SLC6A15: variants seen among roughly 807,000 people sequenced by gnomAD.
The protein encoded by SLC6A15 is solute carrier family 6 member 15, also known as sodium-dependent neutral amino acid transporter B(0)AT2.
In SLC6A15, 33 loss-of-function variants were observed where a neutral mutation model predicts 68.5. The ratio of observed to expected loss-of-function variants is 0.48; its 90% CI spans 0.37 to 0.64. SLC6A15 has a LOEUF of 0.64. Ranked by LOEUF, SLC6A15 falls within the 30% of genes least tolerant of loss-of-function variation. SLC6A15 has a pLI of 0.00. For missense variants in SLC6A15, 747 were observed against 874.3 expected, an observed-to-expected ratio of 0.85 and a Z score of 1.84; for synonymous variants, 347 against 301.0, an observed-to-expected ratio of 1.15 and a Z score of -1.58.
Position 84,863,597 on chromosome 12 carries a change from TA to T in SLC6A15, c.1659del (p.Phe553LeufsTer5). The stretch of plus-strand genomic sequence containing the variant: ...CCCAGCATATCTTTTAGGTCTTCCA[TA>T]AACCTGAATAAAAAGAAAGTATTTA... The part of the protein sequence containing the change: ...AVCFVYGIDK[F>X]MEDLKDMLGF... On this transcript the variant is annotated frameshift_variant, in exon 11 of 12. Coordinates refer to ENST00000266682, the MANE Select transcript of SLC6A15 (RefSeq NM_182767.6). LOFTEE classifies it high-confidence loss of function. 6.6e-7 allele frequency: 1 copy of T among 1,523,138 alleles called. No homozygotes were observed. The highest frequency in any genetic ancestry group is 8.7e-7 in the Non-Finnish European group (1 of 1,143,280). The allele number at this position is 1,523,138 out of a possible 1,614,324, so 94.4% of individuals were successfully genotyped here.
At chr12:84,887,666 T>A (rs1339743325) in intron 2 of SLC6A15, among the ~76,000 whole-genome samples, 3 of 152,128 alleles carry the variant, frequency 2.0e-5, no homozygotes, top group Non-Finnish European at 4.4e-5. Context: ...CTGCATCAAA[T>A]CTTAGATTAT....
At chr12:84,869,903 C>T (rs1871215444) in intron 9 of SLC6A15, among the ~76,000 whole-genome samples, 1 of 151,890 alleles carries the variant, frequency 6.6e-6, no homozygotes, top group East Asian at 1.9e-4. Flanking sequence ...CTTTATAGCC[C>T]TTAAATGGGA....
At position 84,873,208 on chromosome 12, in the gene SLC6A15, AGTT is replaced by A. The variant is rs749964089; in HGVS notation, c.985_987del (p.Asn329del). The A allele has an allele frequency of 6.2e-7, 1 of 1,614,136 alleles. No homozygotes were observed. The highest frequency in any genetic ancestry group is 1.1e-5 in the South Asian group (1 of 91,090). ...GACACCAGGACAGCATCAAAGTGGC[AGTT>A]GTTGTCTCTCTTGTTGTAGCTTGAA... is the stretch of plus-strand genomic sequence containing the variant. On this transcript the variant is annotated inframe_deletion, in exon 7 of 12. Coordinates refer to ENST00000266682, the MANE Select transcript of SLC6A15 (RefSeq NM_182767.6).
intron 5 of SLC6A15, among the ~76,000 whole-genome samples, chr12:84,879,577 C>G (rs758693736): frequency 6.6e-6 from 1 of 151,804 alleles, no homozygotes; most frequent in Non-Finnish European, 1.5e-5. Flanking sequence ...CCACCCGCCT[C>G]GGCCTCCAAA....
intron 8 of SLC6A15, 80 bp downstream of exon 8, chr12:84,872,522 T>C: frequency 8.2e-7 from 1 of 1,221,926 alleles, no homozygotes; most frequent in South Asian, 1.5e-5. Flanking sequence ...TTAAGGCCCT[T>C]TTCCTGAAGG....
At chr12:84,909,144 T>C (rs1480279755) in intron 1 of SLC6A15, among the ~76,000 whole-genome samples, 1 of 152,148 alleles carries the variant, frequency 6.6e-6, no homozygotes, top group East Asian at 1.9e-4. Context: ...CCACCAGCAA[T>C]GCATGAGAGT....
intron 1 of SLC6A15, among the ~76,000 whole-genome samples, chr12:84,908,331 T>C (rs1159119522): frequency 6.6e-6 from 1 of 151,942 alleles, no homozygotes; most frequent in Non-Finnish European, 1.5e-5. Flanking sequence ...TTGAATCAAG[T>C]ACTAAATATG....
chr12:84,903,101 C>T (rs1399123663), intron 1 of SLC6A15, among the ~76,000 whole-genome samples: 2 of 152,046 alleles, frequency 1.3e-5, no homozygotes, highest in African/African-American at 2.4e-5. Flanking sequence ...CATGTGCACC[C>T]TTCTGTGAAA....
chr12:84,894,892 C>T (rs1872573004), intron 1 of SLC6A15, among the ~76,000 whole-genome samples: 2 of 151,904 alleles, frequency 1.3e-5, no homozygotes, highest in South Asian at 4.1e-4. Flanking sequence ...TAAATATATA[C>T]TACAGATATC....
rs1447365264 is a variant in SLC6A15 at position 84,883,974 on chromosome 12, A to C, written c.641T>G (p.Ile214Ser). 2 of 1,614,212 alleles carry C rather than the reference A, an allele frequency of 1.2e-6. No individual in the cohort carries two copies. The highest frequency in any genetic ancestry group is 1.7e-6 in the Non-Finnish European group (2 of 1,180,036). Reference protein sequence around the residue: ...TYYWYREALNISSSISESGGL... With the variant: ...TYYWYREALNSSSSISESGGL... ...CCCACTTTCAGAAATGGAACTTGAA[A>C]TATTCAGTGCTTCCCTGTACCAGTA... is the stretch of plus-strand genomic sequence containing the variant. Residue 214 changes from isoleucine (I) to serine (S), a missense_variant, in exon 5 of 12, where the codon ATT becomes AGT. Coordinates refer to ENST00000266682, the MANE Select transcript of SLC6A15 (RefSeq NM_182767.6).
intron 1 of SLC6A15, among the ~76,000 whole-genome samples, chr12:84,893,727 T>C (rs925081479): frequency 6.6e-6 from 1 of 152,196 alleles, no homozygotes; most frequent in Non-Finnish European, 1.5e-5. Flanking sequence ...AAGTGTTGGG[T>C]AACCCAGTGG....
intron 11 of SLC6A15, among the ~76,000 whole-genome samples, chr12:84,862,812 G>T (rs1870908065): frequency 6.6e-6 from 1 of 152,010 alleles, no homozygotes; most frequent in Non-Finnish European, 1.5e-5. Context: ...TTGAGTGATT[G>T]ATAGTGACTT....
intron 1 of SLC6A15, among the ~76,000 whole-genome samples, chr12:84,893,900 G>A (rs148557828): frequency 1.8e-4 from 28 of 152,202 alleles, no homozygotes; most frequent in African/African-American, 6.5e-4. Flanking sequence ...TGAAAGAGAT[G>A]CATTCCCAAA....
intron 1 of SLC6A15, among the ~76,000 whole-genome samples, chr12:84,901,400 A>G (rs749426485): frequency 2.6e-5 from 4 of 151,792 alleles, no homozygotes; most frequent in Non-Finnish European, 4.4e-5. Flanking sequence ...AAAGTGTTCT[A>G]TAATATTCCA....
chr12:84,865,364 G>T (rs1871022341), intron 10 of SLC6A15, among the ~76,000 whole-genome samples: 1 of 152,110 alleles, frequency 6.6e-6, no homozygotes. Context: ...TTCCCATATA[G>T]CTCCTACCAA....
intron 5 of SLC6A15, among the ~76,000 whole-genome samples, chr12:84,877,817 T>C (rs1407910291): frequency 6.6e-6 from 1 of 152,182 alleles, no homozygotes; most frequent in East Asian, 1.9e-4. Flanking sequence ...ACTTTTCAAA[T>C]TTTATTTATG....
At position 84,870,503 on chromosome 12, in the gene SLC6A15, GA is replaced by G; in HGVS notation, c.1469del (p.Phe490SerfsTer3). ...CAGTAAGAATTTCTTTCCTCACTTT[GA>G]AAGTGTCCACAATAGGCGTGACAAT... is the stretch of plus-strand genomic sequence containing the variant. ...EGIVTPIVDTFKVRKEILTVI... is the reference protein window; with the variant it reads ...EGIVTPIVDTXKVRKEILTVI... On this transcript the variant is annotated frameshift_variant, in exon 9 of 12. Coordinates refer to ENST00000266682, the MANE Select transcript of SLC6A15 (RefSeq NM_182767.6). LOFTEE classifies it high-confidence loss of function. 6.5e-7 allele frequency: 1 copy of G among 1,543,004 alleles called. No homozygotes were observed. The highest frequency in any genetic ancestry group is 8.7e-7 in the Non-Finnish European group (1 of 1,143,146).
chr12:84,892,789 C>T (rs975915524), intron 1 of SLC6A15, among the ~76,000 whole-genome samples: 6 of 151,830 alleles, frequency 4.0e-5, no homozygotes, highest in Admixed American at 3.3e-4. Flanking sequence ...AAAATTTAAC[C>T]TAGTTTATTT....
At chr12:84,873,426 T>TG in intron 6 of SLC6A15, 98 bp from the exon 7 acceptor site, 3 of 1,326,624 alleles carry the variant, frequency 2.3e-6, no homozygotes, top group Non-Finnish European at 3.1e-6. Flanking sequence ...ACAATGATAT[T>TG]TATGCATCCA....
Sources: gnomAD v4.1 joint callset for allele counts (sites outside exome capture counted in the v4.1 genomes callset) on GRCh38, gnomAD v4.1.1 for gene constraint, MANE v1.5 for transcripts, NCBI Gene and HGNC (gene_info 2026-07-23, HGNC 2026-07-21) for gene names.